NOS1: variants seen among roughly 807,000 people sequenced by gnomAD.
The protein encoded by NOS1 is nitric oxide synthase 1.
In NOS1, 51 loss-of-function variants were observed where a neutral mutation model predicts 164.5. The observed-to-expected ratio is 0.31, with a 90% confidence interval of 0.25 to 0.39. The LOEUF (loss-of-function observed/expected upper bound fraction) is 0.39. NOS1 is among the 10% of genes least tolerant of loss of function. The probability of loss-of-function intolerance (pLI) is 1.00; values close to 1 mark genes in which losing one functional copy is unlikely to be tolerated. For synonymous variants in NOS1, 719 were observed against 745.8 expected (o/e 0.96, Z 0.59); for missense variants, 1,362 against 1,885.6 (o/e 0.72, Z 5.14).
At chr12:117,245,176 C>T (rs1454106994) in intron 18 of NOS1, among the ~76,000 whole-genome samples, 3 of 152,202 alleles carry the variant, frequency 2.0e-5, no homozygotes, top group African/African-American at 7.2e-5. Flanking sequence ...AAAGCGCCAA[C>T]TGAATGACAG....
chr12:117,222,625 T>C, intron 26 of NOS1, 90 bp downstream of exon 26: 1 of 1,246,272 alleles, frequency 8.0e-7, no homozygotes, highest in Non-Finnish European at 1.1e-6. Context: ...TCAGGAAGCT[T>C]AAGAGTGAGG....
At position 117,357,442 on chromosome 12, in the gene NOS1, T is replaced by C. The variant is rs2136099541; in HGVS notation, c.-421+4070A>G. The stretch of plus-strand genomic sequence containing the variant: ...AATTAAATTTCTTTAAAGTCCGGCA[T>C]TTACGGGGCTTGTACTGAAGGAAAC... On this transcript the variant is annotated intron_variant, in intron 1 of 28. Transcript: ENST00000317775. Among the ~76,000 whole-genome samples the C allele has an allele frequency of 1.3e-5, 2 of 152,348 alleles. 1 individual carries two copies. The highest frequency in any genetic ancestry group is 4.1e-4 in the South Asian group (2 of 4,830).
At chr12:117,337,601 C>G (rs1875898312) in intron 1 of NOS1, among the ~76,000 whole-genome samples, 2 of 152,088 alleles carry the variant, frequency 1.3e-5, no homozygotes, top group African/African-American at 4.8e-5. Context: ...AAAGTTTTCC[C>G]TTTTAAAGAA....
chr12:117,251,792 C>T (rs139113890), intron 17 of NOS1, among the ~76,000 whole-genome samples: 3,258 of 151,284 alleles, frequency 0.022, 115 homozygotes, highest in African/African-American at 0.075. Flanking sequence ...AATGCAGTGG[C>T]GCCATCTCGG....
Position 117,272,442 on chromosome 12 carries a change from C to T in NOS1, c.1782G>A (p.Met594Ile), listed in dbSNP as rs1473800753. The change falls in exon 10 of 29, where the codon ATG becomes ATA. Residue 594 changes from methionine (M) to isoleucine (I), a missense_variant. By Grantham distance (10) the Met-to-Ile change is conservative. Around this residue, in one of 4 missense-constraint regions of NOS1, gnomAD observed 134 missense variants for 267.3 expected, o/e 0.50. Coordinates refer to ENST00000317775, the MANE Select transcript of NOS1 (RefSeq NM_000620.5). This position sits in a 1 kb window ranked among gnomAD's most constrained non-coding sequence, Gnocchi z 4.3. Reference sequence around the variant, plus strand: ...AGTCGCGGACACCAATCTCTGTGCCCATGTACCAGCCACTGAAGGGACAGG... The same window carrying T: ...AGTCGCGGACACCAATCTCTGTGCCTATGTACCAGCCACTGAAGGGACAGG... ...FSACPFSGWY[M>I]GTEIGVRDYC... 1 of 1,614,112 alleles carries T rather than the reference C, an allele frequency of 6.2e-7. No homozygotes were observed. Among genetic ancestry groups the T allele is most frequent in the Non-Finnish European group, 8.5e-7 (1 of 1,180,014 alleles).
At chr12:117,294,622 A>G (rs970005077) in intron 3 of NOS1, among the ~76,000 whole-genome samples, 2 of 152,194 alleles carry the variant, frequency 1.3e-5, no homozygotes, top group Non-Finnish European at 2.9e-5. Flanking sequence ...GGGGCCCTGC[A>G]TGCAGGATGC....
intron 14 of NOS1, among the ~76,000 whole-genome samples, chr12:117,260,043 C>G (rs543461225): frequency 6.7e-6 from 1 of 149,292 alleles, no homozygotes; most frequent in African/African-American, 2.5e-5. Flanking sequence ...GGCGTGAACC[C>G]GGGAGGTGGA....
At chr12:117,219,460 C>T (rs1259278954) in intron 27 of NOS1, among the ~76,000 whole-genome samples, 1 of 152,108 alleles carries the variant, frequency 6.6e-6, no homozygotes, top group Non-Finnish European at 1.5e-5. Flanking sequence ...GTGCCCGCCA[C>T]CATAGCCAGC....
rs979239674 is a variant in NOS1 at position 117,234,915 on chromosome 12, T to C, written c.3042-157A>G. Among the ~76,000 whole-genome samples, 15 of 151,928 alleles carry C rather than the reference T, an allele frequency of 9.9e-5. No homozygotes were observed. The highest frequency in any genetic ancestry group is 3.4e-4 in the African/African-American group (14 of 41,442). ...CTATGCCCCCATCATTCTATTATTA[T>C]TATTATTATTATTATTATGGTGAGA... is the stretch of plus-strand genomic sequence containing the variant. On this transcript the variant is annotated intron_variant, in intron 20 of 28. Transcript: ENST00000317775. This position sits in a 1 kb window ranked among gnomAD's most constrained non-coding sequence, Gnocchi z 4.3.
At chr12:117,314,360 A>G (rs1410001407) in intron 2 of NOS1, among the ~76,000 whole-genome samples, 1 of 152,180 alleles carries the variant, frequency 6.6e-6, no homozygotes, top group Non-Finnish European at 1.5e-5. Flanking sequence ...TACTGATCCT[A>G]TATCACATGA....
chr12:117,265,663 T>A (rs1378271152), intron 11 of NOS1, among the ~76,000 whole-genome samples, 153 bp from the exon 12 acceptor site: 1 of 152,192 alleles, frequency 6.6e-6, no homozygotes, highest in Admixed American at 6.5e-5. Flanking sequence ...GCATTTCTTG[T>A]CCAGTCCTTC....
chr12:117,300,703 T>C (rs971749974), intron 3 of NOS1, among the ~76,000 whole-genome samples: 4 of 151,986 alleles, frequency 2.6e-5, no homozygotes, highest in Admixed American at 6.6e-5. Context: ...TTTGGGAAAA[T>C]CCAACTTGGG....
chr12:117,269,033 G>A (rs1422762429), intron 10 of NOS1, among the ~76,000 whole-genome samples: 1 of 152,164 alleles, frequency 6.6e-6, no homozygotes, highest in Non-Finnish European at 1.5e-5. Context: ...TACTAATCTT[G>A]TGTTCTAATG....
chr12:117,293,190 C>T lies in NOS1; in HGVS notation c.853-2764G>A, dbSNP rs369152590. Among the ~76,000 whole-genome samples the T allele has an allele frequency of 2.7e-3, 418 of 152,242 alleles. 3 individuals are homozygous for T. Among genetic ancestry groups the T allele is most frequent in the Middle Eastern group, 6.8e-3 (2 of 292 alleles). ...CTGGGGAACAGGAGGTGGGGAAGAG[C>T]GTGCCACTGTTAAAGACTGCTCCGG... On this transcript the variant is annotated intron_variant, in intron 3 of 28. Coordinates refer to ENST00000317775, the MANE Select transcript of NOS1 (RefSeq NM_000620.5).
intron 21 of NOS1, among the ~76,000 whole-genome samples, chr12:117,233,937 T>C (rs1869484448): frequency 6.6e-6 from 1 of 152,136 alleles, no homozygotes; most frequent in East Asian, 1.9e-4. Flanking sequence ...AGCTCTTTTG[T>C]AAAAGTGACA....
At chr12:117,300,265 T>C (rs1457270066) in intron 3 of NOS1, among the ~76,000 whole-genome samples, 1 of 152,210 alleles carries the variant, frequency 6.6e-6, no homozygotes, top group Non-Finnish European at 1.5e-5. Flanking sequence ...GGTGACGCAG[T>C]GAAGGAGCGT....
Position 117,212,063 on chromosome 12 carries a change from C to CAAA in NOS1, c.*3243_*3245dup, listed in dbSNP as rs763292576. ...CCTGGGTGACAGAGCAAGACTCTGT[C>CAAA]AAAAAAAAAAATAGATTCTAACCTT... On this transcript the variant is annotated 3_prime_UTR_variant, in exon 29 of 29. Transcript: ENST00000317775. 28,991 of 771,754 alleles carry CAAA rather than the reference C, an allele frequency of 0.038. 881 individuals carry two copies. The highest frequency in any genetic ancestry group is 0.2 in the African/African-American group (10,628 of 52,492). The allele number at this position is 771,754 out of a possible 1,614,324, so 47.8% of individuals were successfully genotyped here. A position where few individuals can be genotyped will look rare whatever the true frequency, so the allele number is the denominator to read the frequency against.
intron 16 of NOS1, among the ~76,000 whole-genome samples, chr12:117,256,284 G>GGTTTTTTT (rs1555252509): frequency 8.4e-6 from 1 of 118,488 alleles, no homozygotes; most frequent in Non-Finnish European, 1.6e-5. Flanking sequence ...GGGATTTTCT[G>GGTTTTTTT]TTTTTTTTTT....
chr12:117,241,136 C>T (rs953925112), intron 20 of NOS1, among the ~76,000 whole-genome samples: 1 of 151,874 alleles, frequency 6.6e-6, no homozygotes, highest in African/African-American at 2.4e-5. Flanking sequence ...GACGGGGTTT[C>T]ACCACGTTGG....
Sources: allele counts gnomAD v4.1 joint callset (sites outside exome capture counted in the v4.1 genomes callset), GRCh38; gene constraint gnomAD v4.1.1; regional missense constraint gnomAD v4.1.1; non-coding constraint Gnocchi (gnomAD v3.1); transcripts MANE v1.5; gene names NCBI Gene and HGNC (gene_info 2026-07-23, HGNC 2026-07-21).